MARCHF1: variants seen among roughly 807,000 people sequenced by gnomAD.
MARCHF1 encodes the protein membrane associated ring-CH-type finger 1.
Under a neutral mutation model 54.2 loss-of-function variants are expected in MARCHF1, and 40 were observed. That is an observed-to-expected ratio of 0.74 (90% CI 0.57 to 0.96). The LOEUF is 0.96. Among genes scored for constraint, MARCHF1 ranks in the 40% least tolerant of loss-of-function variants. The pLI, the probability that MARCHF1 is intolerant of heterozygous loss-of-function variation, is 0.00. For synonymous variants in MARCHF1, 236 were observed against 236.3 expected (o/e 1.00, Z 0.01); for missense variants, 586 against 656.5 (o/e 0.89, Z 1.17).
chr4:164,201,580 T>C (rs1366847098), intron 1 of MARCHF1, among the ~76,000 whole-genome samples: 2 of 152,154 alleles, frequency 1.3e-5, no homozygotes, highest in Non-Finnish European at 2.9e-5. Flanking sequence ...ATTGTAGCAG[T>C]ATAGTCAAGA....
At chr4:163,762,300 G>T (rs1746849924) in intron 4 of MARCHF1, among the ~76,000 whole-genome samples, 1 of 151,982 alleles carries the variant, frequency 6.6e-6, no homozygotes, top group African/African-American at 2.4e-5. Flanking sequence ...CATTATATTT[G>T]GTTCTAACAA....
At chr4:164,332,362 G>A (rs1454736112) in intron 1 of MARCHF1, among the ~76,000 whole-genome samples, 1 of 152,170 alleles carries the variant, frequency 6.6e-6, no homozygotes, top group Admixed American at 6.5e-5. Context: ...ACAGATATTA[G>A]ACATAATATT....
chr4:163,620,651 GCACACA>G (rs147923508), intron 5 of MARCHF1, among the ~76,000 whole-genome samples: 1 of 88,320 alleles, frequency 1.1e-5, no homozygotes, highest in African/African-American at 4.0e-5. Flanking sequence ...AGAGAGACAC[GCACACA>G]CACACACACA....
At chr4:163,993,826 TAAGG>T (rs1161698747) in intron 2 of MARCHF1, among the ~76,000 whole-genome samples, 1 of 152,138 alleles carries the variant, frequency 6.6e-6, no homozygotes, top group Non-Finnish European at 1.5e-5. Flanking sequence ...TCAAAATATC[TAAGG>T]AAGGTACAGG....
At chr4:163,788,626 T>C (rs1304120521) in intron 4 of MARCHF1, among the ~76,000 whole-genome samples, 1 of 152,014 alleles carries the variant, frequency 6.6e-6, no homozygotes, top group Non-Finnish European at 1.5e-5. Context: ...ATTGGGGTTA[T>C]GAATTTTGTA....
At chr4:163,554,194 C>A (rs1739208046) in intron 8 of MARCHF1, among the ~76,000 whole-genome samples, 1 of 152,080 alleles carries the variant, frequency 6.6e-6, no homozygotes. Flanking sequence ...GAAAAAGGTG[C>A]ATTTATTTAA....
intron 4 of MARCHF1, among the ~76,000 whole-genome samples, chr4:163,734,564 G>T (rs899054522): frequency 8.4e-6 from 1 of 119,058 alleles, no homozygotes; most frequent in African/African-American, 2.9e-5. Flanking sequence ...AGAAAAAAAA[G>T]CTCCTGCTTT....
chr4:163,876,699 A>G (rs577808462), intron 3 of MARCHF1, among the ~76,000 whole-genome samples: 3 of 152,296 alleles, frequency 2.0e-5, no homozygotes, highest in African/African-American at 4.8e-5. Flanking sequence ...CAAAATAAGG[A>G]GGTTGAAAAA....
intron 1 of MARCHF1, among the ~76,000 whole-genome samples, chr4:164,142,241 G>T (rs58189212): frequency 1.3e-5 from 2 of 152,054 alleles, no homozygotes; most frequent in Admixed American, 1.3e-4. Flanking sequence ...AGCCAGGCTT[G>T]GGGAGGGGCA....
At chr4:164,242,728 G>GA (rs1020068795) in intron 1 of MARCHF1, among the ~76,000 whole-genome samples, 3 of 152,168 alleles carry the variant, frequency 2.0e-5, no homozygotes, top group South Asian at 2.1e-4. Context: ...TGAAAACTTT[G>GA]AAAAAAATTT....
intron 1 of MARCHF1, among the ~76,000 whole-genome samples, chr4:164,222,093 T>G (rs1732129435): frequency 6.6e-6 from 1 of 152,044 alleles, no homozygotes; most frequent in African/African-American, 2.4e-5. Context: ...GAAAGAAGAA[T>G]GGAAATTTTT....
At chr4:163,976,144 G>A (rs1207961961) in intron 3 of MARCHF1, among the ~76,000 whole-genome samples, 1 of 152,214 alleles carries the variant, frequency 6.6e-6, no homozygotes, top group African/African-American at 2.4e-5. Flanking sequence ...GAATTGCTAT[G>A]GACATGTAAC....
At chr4:164,287,866 G>A (rs997884268) in intron 1 of MARCHF1, among the ~76,000 whole-genome samples, 21 of 152,110 alleles carry the variant, frequency 1.4e-4, no homozygotes, top group African/African-American at 4.8e-4. Context: ...AGTTTTGCAA[G>A]TGGAAATAAA....
rs1730909703 is a variant in MARCHF1, at chr4:164,367,532, T to C, written c.-323+16338A>G. The stretch of plus-strand genomic sequence containing the variant: ...CCTAGAAATAACTTCGTTTTTATAC[T>C]TTATTGTTTTAATATATCTCCATAT... On this transcript the variant is annotated intron_variant, in intron 1 of 9. Coordinates refer to ENST00000514618, the MANE Select transcript of MARCHF1 (RefSeq NM_001394959.1). Among the ~76,000 whole-genome samples, 3 of 152,118 alleles carry C rather than the reference T, an allele frequency of 2.0e-5. No individual in the cohort carries two copies. In the South Asian group the frequency reaches 6.2e-4, roughly 32 times the overall value.
In MARCHF1 at chr4:163,809,751, A is replaced by C. The variant is rs147443181; in HGVS notation, c.111+44270T>G. Among the ~76,000 whole-genome samples, 468 of 152,300 alleles carry C rather than the reference A, an allele frequency of 3.1e-3. 3 individuals are homozygous for C. The highest frequency in any genetic ancestry group is 0.011 in the African/African-American group (445 of 41,570). ...CATGTAAAAGTCAAGTACACACACA[A>C]ATATATTTATGTGACCAGCTTTTAG... On this transcript the variant is annotated intron_variant, in intron 4 of 9. Transcript: ENST00000514618.
intron 4 of MARCHF1, among the ~76,000 whole-genome samples, chr4:163,789,764 ACTT>A (rs1747722783): frequency 6.6e-6 from 1 of 152,010 alleles, no homozygotes; most frequent in Admixed American, 6.6e-5. Context: ...TAGTACTTGG[ACTT>A]CTTTTTTTAT....
chr4:164,155,682 G>C (rs28614082), intron 1 of MARCHF1, among the ~76,000 whole-genome samples: 1,871 of 152,164 alleles, frequency 0.012, 36 homozygotes, highest in African/African-American at 0.04. Context: ...TTGGTGGGGG[G>C]AAGGGATGAG....
chr4:163,858,119 A>T (rs767648638), intron 3 of MARCHF1, among the ~76,000 whole-genome samples: 2 of 150,810 alleles, frequency 1.3e-5, no homozygotes, highest in Non-Finnish European at 2.9e-5. Context: ...GGGGGGCATC[A>T]TCCACATTGC....
Position 163,866,466 on chromosome 4 carries a change from T to TTATATATATATATATATATA in MARCHF1, c.-38-12298_-38-12297insTATATATATATATATATATA, listed in dbSNP as rs57733725. Among the ~76,000 whole-genome samples the TTATATATATATATATATATA allele has an allele frequency of 7.8e-3, 965 of 124,284 alleles. 32 individuals carry two copies. The highest frequency in any genetic ancestry group is 0.031 in the East Asian group (123 of 3,966). The allele number at this position is 124,284 out of a possible 152,430, so 81.5% of individuals were successfully genotyped here. On this transcript the variant is annotated intron_variant, in intron 3 of 9. Transcript: ENST00000514618. ...ACGTGTTCTGATTATAAAGCTGTAGTTATATATATATATATAATAGGACTG... is the reference window on the plus strand; with the variant it reads ...ACGTGTTCTGATTATAAAGCTGTAGTTATATATATATATATATATATATATATATATATATAATAGGACTG...
Sources: gnomAD v4.1 joint callset for allele counts (sites outside exome capture counted in the v4.1 genomes callset) on GRCh38, gnomAD v4.1.1 for gene constraint, MANE v1.5 for transcripts, NCBI Gene and HGNC (gene_info 2026-07-23, HGNC 2026-07-21) for gene names.